UBR1: variants seen among roughly 807,000 people sequenced by gnomAD.
UBR1 encodes E3 ubiquitin-protein ligase UBR1.
UBR1 carries 102 observed loss-of-function variants against 242.1 expected under a neutral mutation model. The ratio of observed to expected loss-of-function variants is 0.42; its 90% CI spans 0.36 to 0.50. UBR1 has a LOEUF of 0.50. UBR1 is among the 20% of genes least tolerant of loss of function. The pLI, the probability that UBR1 is intolerant of heterozygous loss-of-function variation, is 0.01. For missense variants in UBR1, 1,772 were observed against 2,101.8 expected, an observed-to-expected ratio of 0.84 and a Z score of 3.07; for synonymous variants, 675 against 684.8, an observed-to-expected ratio of 0.99 and a Z score of 0.22.
intron 45 of UBR1, 24 bp from the exon 46 acceptor site, chr15:42,950,387 A>G (rs1431017427): frequency 6.8e-5 from 110 of 1,605,912 alleles, no homozygotes; most frequent in Non-Finnish European, 8.8e-5. Context: ...TCAATAGGAA[A>G]TATGGTTAAG....
At chr15:43,024,284 T>C (rs2033150035) in intron 25 of UBR1, among the ~76,000 whole-genome samples, 1 of 152,298 alleles carries the variant, frequency 6.6e-6, no homozygotes, top group East Asian at 1.9e-4. Flanking sequence ...TAGGCAGGTA[T>C]AAATAAATAT....
At chr15:42,997,077 G>T (rs2032651558) in intron 33 of UBR1, among the ~76,000 whole-genome samples, 2 of 152,166 alleles carry the variant, frequency 1.3e-5, no homozygotes, top group Admixed American at 6.5e-5. Context: ...GAGCAAAGCT[G>T]CATCGGAATT....
Position 43,086,095 on chromosome 15 carries a change from C to T in UBR1, c.227G>A (p.Trp76Ter). 6.2e-7 allele frequency: 1 copy of T among 1,614,038 alleles called. No individual in the cohort carries two copies. Among genetic ancestry groups the T allele is most frequent in the Non-Finnish European group, 8.5e-7 (1 of 1,180,014 alleles). ...ATCTGGATCTTCTCCAAATAAGTAC[C>T]ATTCCAGTGGAGTGAATATTGACAT... ...VQMSIFTPLE[W>*]YLFGEDPDIC... The change falls in exon 2 of 47, where the codon TGG becomes TAG. Residue 76 changes from tryptophan (W) to a stop codon, truncating the protein, a stop_gained. Transcript: ENST00000290650. LOFTEE classifies it high-confidence loss of function.
chr15:42,978,148 G>C (rs1197241899), intron 37 of UBR1, among the ~76,000 whole-genome samples: 2 of 152,192 alleles, frequency 1.3e-5, no homozygotes, highest in Non-Finnish European at 2.9e-5. Context: ...CTTGGATACA[G>C]TTTAAGGGTT....
chr15:43,067,941 TCA>T lies in UBR1; in HGVS notation c.753_754del (p.Cys251Ter). 1 of 1,613,976 alleles carries T rather than the reference TCA, an allele frequency of 6.2e-7. No homozygotes were observed. The highest frequency in any genetic ancestry group is 8.5e-7 in the Non-Finnish European group (1 of 1,180,000). ...GGTATGCAACTGGGCCTCTGCGAGC[TCA>T]CAGTCAAGAGCTCTTTGTAGGCTGT... On this transcript the variant is annotated stop_gained and frameshift_variant, in exon 6 of 47. Coordinates refer to ENST00000290650, the MANE Select transcript of UBR1 (RefSeq NM_174916.3). LOFTEE classifies it high-confidence loss of function.
intron 2 of UBR1, among the ~76,000 whole-genome samples, chr15:43,085,602 G>A (rs950299618): frequency 1.3e-5 from 2 of 151,854 alleles, no homozygotes; most frequent in East Asian, 3.9e-4. Context: ...GTAATACTTG[G>A]CCAGGATGCA....
intron 4 of UBR1, among the ~76,000 whole-genome samples, chr15:43,073,718 T>G (rs1026415104): frequency 6.6e-6 from 1 of 152,200 alleles, no homozygotes; most frequent in African/African-American, 2.4e-5. Context: ...TATTTATTGT[T>G]TTTTCTTTTG....
chr15:43,089,849 A>G (rs2034087187), intron 1 of UBR1, among the ~76,000 whole-genome samples: 3 of 152,222 alleles, frequency 2.0e-5, no homozygotes, highest in Admixed American at 2.0e-4. Flanking sequence ...AAGTACTCTA[A>G]AAGTGTTAAG....
chr15:42,966,325 T>G, intron 40 of UBR1, 39 bp from the exon 41 acceptor site: 1 of 1,612,982 alleles, frequency 6.2e-7, no homozygotes, highest in Non-Finnish European at 8.5e-7. Context: ...AGAATACATA[T>G]CAGACTAAAG....
chr15:42,974,937 G>A (rs1298093426), intron 39 of UBR1, among the ~76,000 whole-genome samples: 1 of 152,062 alleles, frequency 6.6e-6, no homozygotes, highest in East Asian at 1.9e-4. Context: ...GATTTTTATC[G>A]GGAGGCTGGA....
chr15:43,056,528 T>C, intron 10 of UBR1, 86 bp from the exon 11 acceptor site: 1 of 869,700 alleles, frequency 1.1e-6, no homozygotes, highest in Non-Finnish European at 1.9e-6. Context: ...TGCAGGTTTG[T>C]TTCTATCTAT....
intron 12 of UBR1, among the ~76,000 whole-genome samples, chr15:43,053,934 C>A (rs1445520299): frequency 6.6e-6 from 1 of 151,498 alleles, no homozygotes; most frequent in Non-Finnish European, 1.5e-5. Flanking sequence ...TCAAGCGATT[C>A]TTCTGCCTCA....
At chr15:43,065,023 T>C (rs939776087) in intron 6 of UBR1, among the ~76,000 whole-genome samples, 24 of 152,212 alleles carry the variant, frequency 1.6e-4, no homozygotes, top group African/African-American at 5.5e-4. Context: ...TATAAATATA[T>C]ATTTAATAAT....
intron 15 of UBR1, among the ~76,000 whole-genome samples, chr15:43,039,662 C>T (rs575424103): frequency 1.3e-5 from 2 of 152,122 alleles, no homozygotes; most frequent in Non-Finnish European, 2.9e-5. Flanking sequence ...TAACTGAATA[C>T]ACTTTATTTC....
chr15:43,096,045 G>A (rs982425396), intron 1 of UBR1, among the ~76,000 whole-genome samples: 1 of 152,176 alleles, frequency 6.6e-6, no homozygotes, highest in Admixed American at 6.5e-5. Context: ...GCTAAAAAAT[G>A]CTAATGATCA....
In UBR1 at chr15:43,015,866, T is replaced by C; in HGVS notation, c.3031A>G (p.Thr1011Ala). The change falls in exon 29 of 47, where the codon ACT becomes GCT. Residue 1011 changes from threonine to alanine, a missense_variant. Physicochemically the swap from Thr to Ala is moderately conservative, Grantham distance 58. This residue lies in a region of UBR1 where 965 missense variants were observed against 1,079.7 expected (regional missense o/e 0.89). Coordinates refer to ENST00000290650, the MANE Select transcript of UBR1 (RefSeq NM_174916.3). ...GSESIKNDEI[T>A]HDKEKAERKR... The stretch of plus-strand genomic sequence containing the variant: ...CGTTCTGCTTTTTCTTTATCATGAG[T>C]AATCTGGGTATTAAGAAATGACAAA... 6.2e-7 allele frequency: 1 copy of C among 1,613,780 alleles called. No individual in the cohort carries two copies. Among genetic ancestry groups the C allele is most frequent in the Non-Finnish European group, 8.5e-7 (1 of 1,179,882 alleles).
Position 43,036,254 on chromosome 15 carries a change from T to C in UBR1, c.2114A>G (p.Asn705Ser), listed in dbSNP as rs145364227. ...CTGAAGTACCAGTAACAAGAACTTATTGGGATCCATTAAAGATGCACCAAT... is the reference window on the plus strand; with the variant it reads ...CTGAAGTACCAGTAACAAGAACTTACTGGGATCCATTAAAGATGCACCAAT... ...LQIGASLMDP[N>S]KFLLLVLQRY... The change falls in exon 19 of 47, where the codon AAT becomes AGT. Residue 705 changes from asparagine (N) to serine (S), a missense_variant. Asn to Ser is a conservative substitution (Grantham distance 46). This residue lies in a region of UBR1 where 734 missense variants were observed against 893.3 expected (regional missense o/e 0.82). Transcript: ENST00000290650. 17 of 1,613,574 alleles carry C rather than the reference T, an allele frequency of 1.1e-5. No homozygotes were observed. The highest frequency in any genetic ancestry group is 3.3e-5 in the Admixed American group (2 of 60,004).
At chr15:43,048,612 TAGAA>T in intron 12 of UBR1, 121 bp from the exon 13 acceptor site, 1 of 776,970 alleles carries the variant, frequency 1.3e-6, no homozygotes, top group Non-Finnish European at 2.1e-6. Context: ...TCACAATAAT[TAGAA>T]GCTCTGAGTA....
chr15:43,044,345 G>C lies in UBR1; in HGVS notation c.1669-950C>G, dbSNP rs181821281. Among the ~76,000 whole-genome samples, 47 of 152,276 alleles carry C rather than the reference G, an allele frequency of 3.1e-4. No homozygotes were observed. The East Asian group carries it at 8.5e-3, about 27-fold the overall frequency. Reference sequence around the variant, plus strand: ...CAGGAAGATGACTATAAAGTAAAGTGATAAGGGTCTGAACTAGGGTGGGGC... The same window carrying C: ...CAGGAAGATGACTATAAAGTAAAGTCATAAGGGTCTGAACTAGGGTGGGGC... On this transcript the variant is annotated intron_variant, in intron 14 of 46. Coordinates refer to ENST00000290650, the MANE Select transcript of UBR1 (RefSeq NM_174916.3).
Sources: gnomAD v4.1 joint callset for allele counts (sites outside exome capture counted in the v4.1 genomes callset) on GRCh38, gnomAD v4.1.1 for gene constraint, gnomAD v4.1.1 regional missense constraint, MANE v1.5 for transcripts, NCBI Gene and HGNC (gene_info 2026-07-23, HGNC 2026-07-21) for gene names.